KCNMA1: variants seen among roughly 807,000 people sequenced by gnomAD.
KCNMA1 encodes potassium calcium-activated channel subfamily M alpha 1.
KCNMA1 carries 29 observed loss-of-function variants against 140.0 expected under a neutral mutation model. That is an observed-to-expected ratio of 0.21 (90% confidence interval 0.15 to 0.28). The LOEUF (loss-of-function observed/expected upper bound fraction) is 0.28. Among genes scored for constraint, KCNMA1 ranks in the 10% least tolerant of loss-of-function variants. KCNMA1 has a pLI of 1.00. For synonymous variants in KCNMA1, 612 were observed against 611.9 expected (o/e 1.00, Z 0.00); for missense variants, 880 against 1,602.2 (o/e 0.55, Z 7.70).
intron 3 of KCNMA1, among the ~76,000 whole-genome samples, chr10:77,236,344 G>C (rs2055446492): frequency 1.3e-5 from 2 of 152,188 alleles, no homozygotes; most frequent in African/African-American, 2.4e-5. Context: ...GTAACCGTGA[G>C]TATAATAGCC....
chr10:77,012,335 A>C, intron 17 of KCNMA1: 1 of 1,466,584 alleles, frequency 6.8e-7, no homozygotes, highest in Non-Finnish European at 9.0e-7. Flanking sequence ...TTCGTCTTTC[A>C]TTTTTGAGAA....
At chr10:77,225,137 C>T (rs1024241228) in intron 3 of KCNMA1, among the ~76,000 whole-genome samples, 6 of 152,142 alleles carry the variant, frequency 3.9e-5, no homozygotes, top group Admixed American at 1.3e-4. Flanking sequence ...CTTACAGACT[C>T]CTCCCCTGCA....
intron 1 of KCNMA1, among the ~76,000 whole-genome samples, chr10:77,633,143 C>T (rs192895311): frequency 2.0e-5 from 3 of 152,134 alleles, no homozygotes; most frequent in Non-Finnish European, 4.4e-5. Context: ...GGTGAAACCC[C>T]GTCTCTACTT....
At chr10:77,353,730 G>A (rs1230304437) in intron 2 of KCNMA1, among the ~76,000 whole-genome samples, 1 of 152,120 alleles carries the variant, frequency 6.6e-6, no homozygotes, top group Non-Finnish European at 1.5e-5. Context: ...GAGATAAAGT[G>A]ACAGCCACCA....
At chr10:77,549,964 T>C (rs1014050710) in intron 1 of KCNMA1, among the ~76,000 whole-genome samples, 4 of 152,162 alleles carry the variant, frequency 2.6e-5, no homozygotes, top group Non-Finnish European at 5.9e-5. Context: ...AAAGCACTAG[T>C]TTATTCAGGG....
chr10:77,593,533 C>G lies in KCNMA1; in HGVS notation c.378+43732G>C, dbSNP rs537734741. Among the ~76,000 whole-genome samples, 199 of 152,316 alleles carry G rather than the reference C, an allele frequency of 1.3e-3. 1 individual carries two copies. The highest frequency in any genetic ancestry group is 1.6e-3 in the Non-Finnish European group (110 of 68,036). On this transcript the variant is annotated intron_variant, in intron 1 of 27. Coordinates refer to ENST00000286628, the MANE Select transcript of KCNMA1 (RefSeq NM_001161352.2). ...CCAGAATTGGAAATGGTAATTGTTA[C>G]TATTAATATAATAATGTCTTAAATT...
intron 1 of KCNMA1, among the ~76,000 whole-genome samples, chr10:77,536,181 T>A (rs2058842519): frequency 6.6e-6 from 1 of 152,192 alleles, no homozygotes; most frequent in African/African-American, 2.4e-5. Context: ...TATGTATCCA[T>A]AAAAATTAAG....
intron 20 of KCNMA1, among the ~76,000 whole-genome samples, chr10:76,961,695 AC>A (rs1224052363): frequency 5.3e-5 from 8 of 151,972 alleles, no homozygotes; most frequent in Non-Finnish European, 8.8e-5. Flanking sequence ...TTCAGCTACC[AC>A]CCCCCGATCA....
intron 3 of KCNMA1, among the ~76,000 whole-genome samples, chr10:77,236,378 G>A (rs2055459265): frequency 6.6e-6 from 1 of 152,180 alleles, no homozygotes; most frequent in Admixed American, 6.5e-5. Flanking sequence ...GCAGTCCTAT[G>A]CATTATCGAA....
rs185383212 is a variant in KCNMA1, at chr10:76,929,117, C to A, written c.2903-14068G>T. On this transcript the variant is annotated intron_variant, in intron 23 of 27. Coordinates refer to ENST00000286628, the MANE Select transcript of KCNMA1 (RefSeq NM_001161352.2). Reference sequence around the variant, plus strand: ...AAATAAATAAATAAATAAGGAGACACACCTGCATAATAGGAAGGGCTTCCT... The same window carrying A: ...AAATAAATAAATAAATAAGGAGACAAACCTGCATAATAGGAAGGGCTTCCT... Among the ~76,000 whole-genome samples, 74 of 152,166 alleles carry A rather than the reference C, an allele frequency of 4.9e-4. 1 individual carries two copies. Among genetic ancestry groups the A allele is most frequent in the Admixed American group, 9.8e-4 (15 of 15,266 alleles).
intron 1 of KCNMA1, chr10:77,636,097 C>T: frequency 2.7e-6 from 2 of 729,226 alleles, no homozygotes; most frequent in Non-Finnish European, 4.1e-6. Flanking sequence ...TGTGTATCTA[C>T]CCTGCACTAT....
At chr10:77,001,350 G>A in intron 19 of KCNMA1, 57 bp downstream of exon 19, 6 of 1,473,928 alleles carry the variant, frequency 4.1e-6, no homozygotes, top group South Asian at 2.4e-5. Flanking sequence ...GCACAAGACA[G>A]GGATGATACC....
chr10:77,076,870 A>C (rs978078718), intron 13 of KCNMA1, among the ~76,000 whole-genome samples: 10 of 152,158 alleles, frequency 6.6e-5, no homozygotes, highest in African/African-American at 2.2e-4. Flanking sequence ...AGGGGATTGA[A>C]ATGCTTCATA....
intron 1 of KCNMA1, among the ~76,000 whole-genome samples, chr10:77,605,912 G>T (rs1358449260): frequency 2.0e-5 from 3 of 152,224 alleles, no homozygotes; most frequent in Non-Finnish European, 4.4e-5. Flanking sequence ...CTTCCCCAAG[G>T]TCATGCAGCT....
At chr10:77,390,430 T>G (rs950307731) in intron 2 of KCNMA1, among the ~76,000 whole-genome samples, 10 of 152,216 alleles carry the variant, frequency 6.6e-5, no homozygotes, top group Non-Finnish European at 1.3e-4. Context: ...AGCTTTTTCC[T>G]GGAGAGATCT....
At chr10:76,895,507 T>C (rs999937518) in intron 25 of KCNMA1, among the ~76,000 whole-genome samples, 2 of 152,234 alleles carry the variant, frequency 1.3e-5, no homozygotes, top group Non-Finnish European at 2.9e-5. Flanking sequence ...AGCAGCATTA[T>C]TGGTAATACC....
rs577269499 is a variant in KCNMA1, at chr10:76,961,122, T to C, written c.2361-7198A>G. On this transcript the variant is annotated intron_variant, in intron 20 of 27. Transcript: ENST00000286628. ...CTTTGATGAATCTGGGCAAAATAAATTGAAAAACTTCTGAAAAAGAATCGC... is the reference window on the plus strand; with the variant it reads ...CTTTGATGAATCTGGGCAAAATAAACTGAAAAACTTCTGAAAAAGAATCGC... 8.6e-5 allele frequency among the ~76,000 whole-genome samples: 13 copies of C among 151,264 alleles called. No homozygotes were observed. In the South Asian group the frequency reaches 2.7e-3, roughly 32 times the overall value.
At chr10:76,940,854 G>A (rs1357667793) in intron 23 of KCNMA1, among the ~76,000 whole-genome samples, 9 of 151,062 alleles carry the variant, frequency 6.0e-5, no homozygotes, top group African/African-American at 2.2e-4. Context: ...CCAGCTACTT[G>A]GGAGGCTGAG....
intron 2 of KCNMA1, among the ~76,000 whole-genome samples, chr10:77,397,989 G>GTA (rs1428891161): frequency 1.3e-5 from 2 of 150,890 alleles, no homozygotes; most frequent in Admixed American, 1.3e-4. Context: ...GTGTGTGTTT[G>GTA]TATATATATA....
Sources: gnomAD v4.1 joint callset for allele counts (sites outside exome capture counted in the v4.1 genomes callset) on GRCh38, gnomAD v4.1.1 for gene constraint, MANE v1.5 for transcripts, NCBI Gene and HGNC (gene_info 2026-07-23, HGNC 2026-07-21) for gene names.